Variants in IL3RA observed in about 807,000 individuals in gnomAD.
The protein encoded by IL3RA is interleukin 3 receptor subunit alpha.
Under a neutral mutation model 52.3 loss-of-function variants are expected in IL3RA, and 73 were observed. The observed-to-expected ratio is 1.40, with a 90% CI of 1.16 to 1.70. The LOEUF is 1.70. IL3RA is among the 40% of genes most tolerant of loss of function. IL3RA has a pLI of 0.00. For synonymous variants in IL3RA, 260 were observed against 194.0 expected, an observed-to-expected ratio of 1.34 and a Z score of -2.83; for missense variants, 664 against 504.4, an observed-to-expected ratio of 1.32 and a Z score of -3.03.
chrX:1,359,624 C>G (rs1219261750), intron 8 of IL3RA, among the ~76,000 whole-genome samples: 72 of 147,154 alleles, frequency 4.9e-4, no homozygotes, highest in Non-Finnish European at 1.5e-5. Flanking sequence ...CTCTCATTCT[C>G]CTTCCCTCTC....
rs749777922 is a variant in IL3RA, at chrX:1,345,408, G to C, written c.157G>C (p.Val53Leu). The C allele has an allele frequency of 2.7e-5, 43 of 1,606,584 alleles. 1 individual carries two copies. In the South Asian group the frequency reaches 3.3e-4, roughly 12 times the overall value. ...LNRNVTDIEC[V>L]KDADYSMPAV... is the part of the protein sequence containing the mutation. ...CAGAAATGTGACCGATATCGAGTGTGTTAAAGACGCCGACTATTCTATGCC... is the reference window on the plus strand; with the variant it reads ...CAGAAATGTGACCGATATCGAGTGTCTTAAAGACGCCGACTATTCTATGCC... Residue 53 changes from valine to leucine, a missense_variant, in exon 3 of 12, where the codon GTT (valine) becomes CTT (leucine). Physicochemically the swap from Val to Leu is conservative, Grantham distance 32. Transcript: ENST00000331035.
At chrX:1,377,180 C>G (rs1422799790) in intron 9 of IL3RA, among the ~76,000 whole-genome samples, 1 of 152,236 alleles carries the variant, frequency 6.6e-6, no homozygotes, top group Non-Finnish European at 1.5e-5. Context: ...ATCTCTTGAT[C>G]TTGGACCTGC....
intron 8 of IL3RA, among the ~76,000 whole-genome samples, chrX:1,361,576 C>CCCG (rs2087367949): frequency 6.6e-6 from 1 of 151,762 alleles, no homozygotes. Flanking sequence ...ATGGTGAAAC[C>CCCG]TAGCTCTACT....
At chrX:1,343,794 C>T (rs765093012) in intron 2 of IL3RA, among the ~76,000 whole-genome samples, 13 of 111,784 alleles carry the variant, frequency 1.2e-4, no homozygotes, top group South Asian at 9.0e-4. Context: ...TTTTTTGAGA[C>T]GGAGTTTTTT....
intron 2 of IL3RA, 29 bp from the exon 3 acceptor site, chrX:1,345,287 C>T (rs781098030): frequency 6.6e-7 from 1 of 1,507,298 alleles, no homozygotes; most frequent in South Asian, 1.2e-5. Context: ...TTACGTATCT[C>T]TTCGAACTCC....
At chrX:1,348,173 C>A (rs1427860358) in intron 3 of IL3RA, among the ~76,000 whole-genome samples, 2 of 149,462 alleles carry the variant, frequency 1.3e-5, no homozygotes, top group Admixed American at 6.7e-5. Flanking sequence ...ATGGTGAAAC[C>A]CTGTCTCTAC....
At chrX:1,356,762 A>G in intron 7 of IL3RA, among the ~76,000 whole-genome samples, 1 of 145,602 alleles carries the variant, frequency 6.9e-6, no homozygotes. Context: ...ACAGAGCGAG[A>G]CTCCGTCTCA....
intron 9 of IL3RA, among the ~76,000 whole-genome samples, chrX:1,367,898 T>C (rs2088282381): frequency 6.6e-6 from 1 of 150,468 alleles, no homozygotes; most frequent in African/African-American, 2.5e-5. Context: ...CCCCAGTTTC[T>C]GTGACCCCAA....
chrX:1,343,749 A>G (rs1259024358), intron 2 of IL3RA, among the ~76,000 whole-genome samples: 1 of 148,924 alleles, frequency 6.7e-6, no homozygotes, highest in Non-Finnish European at 1.5e-5. Flanking sequence ...TGTGATGGCT[A>G]AGAGAGACCT....
intron 2 of IL3RA, among the ~76,000 whole-genome samples, chrX:1,342,947 C>A (rs1407913186): frequency 1.3e-5 from 2 of 151,680 alleles, no homozygotes; most frequent in East Asian, 2.0e-4. Context: ...TGGTGGCGGG[C>A]GCCTGTAATC....
chrX:1,353,314 A>G (rs1344050487), intron 6 of IL3RA, among the ~76,000 whole-genome samples: 1 of 120,024 alleles, frequency 8.3e-6, no homozygotes, highest in Non-Finnish European at 1.7e-5. Context: ...GGATTCCATC[A>G]TGGGTCATGG....
intron 7 of IL3RA, among the ~76,000 whole-genome samples, chrX:1,356,785 A>C (rs6603264): frequency 0.55 from 83,351 of 150,506 alleles, 23,714 homozygotes; most frequent in Middle Eastern, 0.66. Flanking sequence ...AAAAAAAAAA[A>C]AGTTTGAGAC....
At chrX:1,360,113 CTCTCCCCG>C (rs1380666930) in intron 8 of IL3RA, among the ~76,000 whole-genome samples, 2 of 149,328 alleles carry the variant, frequency 1.3e-5, no homozygotes, top group African/African-American at 2.5e-5. Context: ...CTATCTCCCC[CTCTCCCCG>C]TCTCTTTCTC....
chrX:1,364,083 G>T (rs2087717836), intron 8 of IL3RA, among the ~76,000 whole-genome samples: 1 of 152,046 alleles, frequency 6.6e-6, no homozygotes, highest in African/African-American at 2.4e-5. Context: ...AGCTACTCGG[G>T]AGGCTGAGGC....
At chrX:1,367,551 G>T (rs1316247348) in intron 9 of IL3RA, among the ~76,000 whole-genome samples, 1 of 102,070 alleles carries the variant, frequency 9.8e-6, no homozygotes, top group Non-Finnish European at 1.9e-5. Context: ...CGTGAGCCGG[G>T]TGCGCGGGGT....
intron 6 of IL3RA, among the ~76,000 whole-genome samples, chrX:1,354,606 G>C (rs1180243584): frequency 9.6e-6 from 1 of 104,120 alleles, no homozygotes; most frequent in Non-Finnish European, 2.0e-5. Context: ...AGGGGGAGGA[G>C]GAGGAGGAAG....
At chrX:1,366,398 G>C (rs868090700) in intron 9 of IL3RA, among the ~76,000 whole-genome samples, 30 of 24,798 alleles carry the variant, frequency 1.2e-3, no homozygotes, top group African/African-American at 2.2e-3. Context: ...CGGGGTGAGC[G>C]GGGTGCGCGG....
chrX:1,378,767 G>A lies in IL3RA; in HGVS notation c.980+3G>A. On this transcript the variant is annotated splice_donor_region_variant and intron_variant, in intron 10 of 11. Transcript: ENST00000331035. ...TGTGTCTTCGTGATCTGCAGAAGGT[G>A]AGCCCTCGAGGGCGTCCGCGAGCGT... 6.2e-7 allele frequency: 1 copy of A among 1,611,948 alleles called. No individual in the cohort carries two copies. Among genetic ancestry groups the A allele is most frequent in the Non-Finnish European group, 8.5e-7 (1 of 1,179,480 alleles).
At chrX:1,377,015 CTG>C (rs1423246051) in intron 9 of IL3RA, among the ~76,000 whole-genome samples, 2 of 147,842 alleles carry the variant, frequency 1.4e-5, no homozygotes, top group Non-Finnish European at 3.0e-5. Flanking sequence ...CTCTGGTATT[CTG>C]TGACAGCAGC....
Sources: allele counts gnomAD v4.1 joint callset (sites outside exome capture counted in the v4.1 genomes callset), GRCh38; gene constraint gnomAD v4.1.1; transcripts MANE v1.5; gene names NCBI Gene and HGNC (gene_info 2026-07-23, HGNC 2026-07-21).